PTPRD: variants seen among roughly 807,000 people sequenced by gnomAD.
PTPRD encodes the protein protein tyrosine phosphatase receptor type D, also known as receptor-type tyrosine-protein phosphatase delta.
In PTPRD, 34 loss-of-function variants were observed where a neutral mutation model predicts 214.5. The ratio of observed to expected loss-of-function variants is 0.16; its 90% CI spans 0.12 to 0.21. PTPRD has a LOEUF of 0.21. PTPRD is among the 10% of genes least tolerant of loss of function. The pLI is 1.00. For synonymous variants in PTPRD, 1,128 were observed against 845.7 expected (o/e 1.33, Z -5.79); for missense variants, 2,545 against 2,398.7 (o/e 1.06, Z -1.27).
intron 7 of PTPRD, among the ~76,000 whole-genome samples, chr9:9,596,657 T>C (rs1478661836): frequency 6.6e-6 from 1 of 152,038 alleles, no homozygotes; most frequent in Non-Finnish European, 1.5e-5. Flanking sequence ...GTCTAGGGTA[T>C]GGTTCAGTAT....
chr9:8,418,765 C>G (rs1050169815), intron 35 of PTPRD, among the ~76,000 whole-genome samples: 3 of 151,912 alleles, frequency 2.0e-5, no homozygotes, highest in African/African-American at 7.3e-5. Flanking sequence ...GACTTTACAG[C>G]AATTATACTG....
At chr9:10,490,318 C>T (rs833407) in intron 2 of PTPRD, among the ~76,000 whole-genome samples, 148,447 of 152,300 alleles carry the variant, frequency 0.97, 72,461 homozygotes, top group Middle Eastern at 1. Flanking sequence ...ATTTAAATAT[C>T]TGACAACTAA....
chr9:9,396,760 G>C (rs991493614), intron 9 of PTPRD, among the ~76,000 whole-genome samples: 7 of 151,940 alleles, frequency 4.6e-5, no homozygotes, highest in African/African-American at 1.7e-4. Flanking sequence ...CTCTAAACTG[G>C]TAAACTCTCA....
At chr9:9,352,140 C>T (rs1364157883) in intron 9 of PTPRD, among the ~76,000 whole-genome samples, 1 of 151,570 alleles carries the variant, frequency 6.6e-6, no homozygotes, top group Non-Finnish European at 1.5e-5. Flanking sequence ...GATTTTTGTC[C>T]CCCACATATC....
At chr9:8,384,526 G>GT (rs1232205193) in intron 37 of PTPRD, among the ~76,000 whole-genome samples, 1 of 151,900 alleles carries the variant, frequency 6.6e-6, no homozygotes, top group Non-Finnish European at 1.5e-5. Context: ...TTCTATCATT[G>GT]TTTTTTTGTT....
intron 14 of PTPRD, among the ~76,000 whole-genome samples, chr9:8,610,094 G>C (rs1344760102): frequency 1.3e-5 from 2 of 152,082 alleles, no homozygotes; most frequent in Non-Finnish European, 2.9e-5. Flanking sequence ...TTTAAGAGTA[G>C]CACACATTTT....
chr9:9,795,964 T>G (rs778907402), intron 5 of PTPRD, among the ~76,000 whole-genome samples: 5 of 152,142 alleles, frequency 3.3e-5, no homozygotes, highest in Non-Finnish European at 7.4e-5. Context: ...AATATATCAA[T>G]GACTATGCAC....
intron 11 of PTPRD, among the ~76,000 whole-genome samples, chr9:8,912,691 G>T (rs2098756379): frequency 2.6e-5 from 4 of 152,198 alleles, no homozygotes; most frequent in East Asian, 1.9e-4. Flanking sequence ...AAAGACAATG[G>T]ATTAATTCAG....
intron 3 of PTPRD, among the ~76,000 whole-genome samples, chr9:10,045,541 C>A (rs1373564959): frequency 6.6e-6 from 1 of 151,626 alleles, no homozygotes; most frequent in Non-Finnish European, 1.5e-5. Context: ...TATTCACTAT[C>A]TGCCTTTAGG....
intron 2 of PTPRD, among the ~76,000 whole-genome samples, chr9:10,519,368 G>A (rs1022787022): frequency 5.4e-5 from 8 of 149,232 alleles, no homozygotes; most frequent in African/African-American, 2.0e-4. Context: ...TATATGTACT[G>A]TTACTAAGAC....
Position 9,455,524 on chromosome 9 carries a change from G to C in PTPRD, c.-236-58042C>G, listed in dbSNP as rs542882489. On this transcript the variant is annotated intron_variant, in intron 8 of 45. Transcript: ENST00000381196. ...TTATCTCAGTACAGCTACTCTAAAAGTCTGGAGTTTACTTTTACAAGGCCC... is the reference window on the plus strand; with the variant it reads ...TTATCTCAGTACAGCTACTCTAAAACTCTGGAGTTTACTTTTACAAGGCCC... 7.7e-4 allele frequency among the ~76,000 whole-genome samples: 116 copies of C among 151,624 alleles called. No individual in the cohort carries two copies. In the South Asian group the frequency reaches 0.022, roughly 29 times the overall value.
chr9:10,453,982 G>A (rs1033647715), intron 2 of PTPRD, among the ~76,000 whole-genome samples: 3 of 151,432 alleles, frequency 2.0e-5, no homozygotes, highest in Admixed American at 6.6e-5. Context: ...CAATAGGCTG[G>A]TATTTAAAGT....
At chr9:10,027,801 T>G (rs1484104451) in intron 4 of PTPRD, among the ~76,000 whole-genome samples, 1 of 152,174 alleles carries the variant, frequency 6.6e-6, no homozygotes, top group Non-Finnish European at 1.5e-5. Flanking sequence ...TAAAAGGCAT[T>G]GAACTAAATG....
intron 11 of PTPRD, among the ~76,000 whole-genome samples, chr9:8,816,856 T>C (rs1173373667): frequency 6.6e-6 from 1 of 152,212 alleles, no homozygotes; most frequent in African/African-American, 2.4e-5. Context: ...AAATAGATTC[T>C]TTCCTCACCT....
At chr9:8,776,755 T>A (rs944541190) in intron 11 of PTPRD, among the ~76,000 whole-genome samples, 8 of 146,580 alleles carry the variant, frequency 5.5e-5, no homozygotes, top group African/African-American at 2.0e-4. Flanking sequence ...AATAGGCTAT[T>A]TTTTTTTTGA....
chr9:9,541,067 C>A (rs2154272768), intron 8 of PTPRD, among the ~76,000 whole-genome samples: 1 of 151,842 alleles, frequency 6.6e-6, no homozygotes, highest in East Asian at 1.9e-4. Context: ...TACTTTCATA[C>A]CTTGCTGAGT....
At chr9:9,570,814 T>A (rs1167513368) in intron 8 of PTPRD, among the ~76,000 whole-genome samples, 1 of 151,534 alleles carries the variant, frequency 6.6e-6, no homozygotes, top group Non-Finnish European at 1.5e-5. Context: ...GCAACCAAAA[T>A]CTTCTGAAAC....
chr9:8,590,863 A>T (rs1264302549), intron 14 of PTPRD, among the ~76,000 whole-genome samples: 2 of 152,130 alleles, frequency 1.3e-5, no homozygotes, highest in Non-Finnish European at 2.9e-5. Flanking sequence ...AAACAAAAAC[A>T]TTTATTATTT....
At chr9:8,424,837 T>C (rs2094561376) in intron 35 of PTPRD, among the ~76,000 whole-genome samples, 1 of 152,096 alleles carries the variant, frequency 6.6e-6, no homozygotes, top group South Asian at 2.1e-4. Flanking sequence ...TTAAGGAAAT[T>C]TTTTTAGCAA....
Sources: gnomAD v4.1 joint callset for allele counts (sites outside exome capture counted in the v4.1 genomes callset) on GRCh38, gnomAD v4.1.1 for gene constraint, MANE v1.5 for transcripts, NCBI Gene and HGNC (gene_info 2026-07-23, HGNC 2026-07-21) for gene names.